The following ZNF366 variants were observed in gnomAD, a reference collection of about 807,000 sequenced individuals.
ZNF366 encodes the protein dendritic cell-specific transcript protein.
Under a neutral mutation model 47.2 loss-of-function variants are expected in ZNF366, and 20 were observed. The observed-to-expected ratio is 0.42, with a 90% CI of 0.30 to 0.62. The LOEUF is 0.62. ZNF366 is among the 20% of genes least tolerant of loss of function. The pLI is 0.16. For missense variants in ZNF366, 987 were observed against 976.3 expected (o/e 1.01, Z -0.15); for synonymous variants, 421 against 395.1 (o/e 1.07, Z -0.78).
chr5:72,491,717 T>A (rs76843871), intron 1 of ZNF366, among the ~76,000 whole-genome samples: 1 of 152,354 alleles, frequency 6.6e-6, no homozygotes, highest in African/African-American at 2.4e-5. Context: ...GGTAAGAAGG[T>A]ATTCTCATGG....
At chr5:72,499,187 T>C (rs952804219) in intron 1 of ZNF366, among the ~76,000 whole-genome samples, 2 of 152,166 alleles carry the variant, frequency 1.3e-5, no homozygotes, top group Non-Finnish European at 2.9e-5. Context: ...CCAGAAGAAC[T>C]CTCTGCCCCT....
chr5:72,499,110 A>G (rs537558712), intron 1 of ZNF366, among the ~76,000 whole-genome samples: 5 of 152,336 alleles, frequency 3.3e-5, no homozygotes, highest in Admixed American at 2.6e-4. Context: ...GAACTTTGTT[A>G]CCCACAAAAC....
At chr5:72,479,913 A>G (rs1201088004) in intron 1 of ZNF366, among the ~76,000 whole-genome samples, 1 of 152,252 alleles carries the variant, frequency 6.6e-6, no homozygotes. Context: ...ACATACTAAT[A>G]TAACCAAGAC....
Position 72,443,808 on chromosome 5 carries a change from T to C in ZNF366, c.2183A>G (p.Lys728Arg), listed in dbSNP as rs747963125. ...TTCCATTTTCCTCTCCAGTAATTCTTTCAAACTCTCATCTCTGTGCTTGAA... is the reference window on the plus strand; with the variant it reads ...TTCCATTTTCCTCTCCAGTAATTCTCTCAAACTCTCATCTCTGTGCTTGAA... Reference protein sequence around the residue: ...LYFKHRDESLKELLERKMEKQ... With the variant: ...LYFKHRDESLRELLERKMEKQ... Residue 728 changes from lysine to arginine, a missense_variant, in exon 5 of 5, where the codon AAA becomes AGA. Transcript: ENST00000318442. 6.2e-7 allele frequency: 1 copy of C among 1,614,192 alleles called. No individual in the cohort carries two copies. The highest frequency in any genetic ancestry group is 1.1e-5 in the South Asian group (1 of 91,084).
chr5:72,471,832 T>G (rs1285354184), intron 1 of ZNF366, among the ~76,000 whole-genome samples: 1 of 152,156 alleles, frequency 6.6e-6, no homozygotes, highest in Non-Finnish European at 1.5e-5. Context: ...GACTCCTTGA[T>G]TTTTCTGCCC....
intron 3 of ZNF366, among the ~76,000 whole-genome samples, chr5:72,449,052 A>G (rs1743011768): frequency 6.6e-6 from 1 of 152,216 alleles, no homozygotes; most frequent in African/African-American, 2.4e-5. Flanking sequence ...TAAGAGGGGA[A>G]AAGGATGACA....
At chr5:72,452,568 G>A (rs1052751171) in intron 3 of ZNF366, among the ~76,000 whole-genome samples, 1 of 152,202 alleles carries the variant, frequency 6.6e-6, no homozygotes, top group Admixed American at 6.5e-5. Context: ...GAGCGTCAAA[G>A]AAAGTGAGGG....
chr5:72,484,567 A>G (rs778127222), intron 1 of ZNF366, among the ~76,000 whole-genome samples: 1 of 152,038 alleles, frequency 6.6e-6, no homozygotes, highest in Admixed American at 6.6e-5. Context: ...GAAAAATTCA[A>G]CTCTTTTGCT....
At chr5:72,486,055 C>T (rs1167992969) in intron 1 of ZNF366, among the ~76,000 whole-genome samples, 1 of 152,194 alleles carries the variant, frequency 6.6e-6, no homozygotes, top group Non-Finnish European at 1.5e-5. Context: ...TAATTTTTCT[C>T]CATATCTTCT....
At chr5:72,487,300 C>CAA (rs1743910402) in intron 1 of ZNF366, among the ~76,000 whole-genome samples, 2 of 152,170 alleles carry the variant, frequency 1.3e-5, no homozygotes, top group South Asian at 2.1e-4. Flanking sequence ...TGCTTGAGCT[C>CAA]GTGCTTTATG....
rs1743530492 is a variant in ZNF366 at position 72,470,128 on chromosome 5, C to T, written c.-14-8618G>A. On this transcript the variant is annotated intron_variant, in intron 1 of 4. Transcript: ENST00000318442. ...GCCATTAGAAAATATACTTCTACCT[C>T]TTGTAAATCCAAAGATTGGTATTGA... Among the ~76,000 whole-genome samples, 3 of 152,192 alleles carry T rather than the reference C, an allele frequency of 2.0e-5. No homozygotes were observed. In the South Asian group the frequency reaches 6.2e-4, roughly 32 times the overall value.
chr5:72,448,508 G>C (rs1283278818), intron 3 of ZNF366, among the ~76,000 whole-genome samples: 1 of 152,148 alleles, frequency 6.6e-6, no homozygotes, highest in Non-Finnish European at 1.5e-5. Flanking sequence ...GCTGTGGCAG[G>C]AGGAATGCAA....
chr5:72,492,905 G>T (rs576489824), intron 1 of ZNF366, among the ~76,000 whole-genome samples: 1 of 152,044 alleles, frequency 6.6e-6, no homozygotes, highest in Non-Finnish European at 1.5e-5. Flanking sequence ...AATTCTTCCC[G>T]CCTGATCCCT....
intron 1 of ZNF366, among the ~76,000 whole-genome samples, chr5:72,472,984 G>A (rs535488184): frequency 6.6e-6 from 1 of 152,238 alleles, no homozygotes; most frequent in East Asian, 1.9e-4. Context: ...TTCCTCATGG[G>A]GTATTGCATA....
chr5:72,456,727 G>T, intron 2 of ZNF366, 132 bp from the exon 3 acceptor site: 2 of 864,994 alleles, frequency 2.3e-6, no homozygotes, highest in Non-Finnish European at 3.3e-6. Context: ...GTTTCAAATG[G>T]TGTAGCTTCA....
chr5:72,466,355 G>A (rs1248366065), intron 1 of ZNF366, among the ~76,000 whole-genome samples: 2 of 152,338 alleles, frequency 1.3e-5, no homozygotes, highest in East Asian at 1.9e-4. Context: ...GATGAATGGG[G>A]AGTTGAAGCA....
intron 1 of ZNF366, among the ~76,000 whole-genome samples, chr5:72,478,814 A>G (rs1210058622): frequency 6.6e-6 from 1 of 152,238 alleles, no homozygotes; most frequent in East Asian, 1.9e-4. Context: ...GACTTTGTCT[A>G]CTGAATCATT....
chr5:72,488,302 C>T (rs1320003214), intron 1 of ZNF366, among the ~76,000 whole-genome samples: 1 of 151,370 alleles, frequency 6.6e-6, no homozygotes, highest in Admixed American at 6.6e-5. Flanking sequence ...GGGCTGGTGG[C>T]ATCAGTCTTT....
chr5:72,500,299 TA>T (rs1328140635), intron 1 of ZNF366, among the ~76,000 whole-genome samples: 1 of 152,038 alleles, frequency 6.6e-6, no homozygotes, highest in Non-Finnish European at 1.5e-5. Flanking sequence ...TGAAAAAAGC[TA>T]AACTATTTTT....
Sources: gnomAD v4.1 joint callset for allele counts (sites outside exome capture counted in the v4.1 genomes callset) on GRCh38, gnomAD v4.1.1 for gene constraint, MANE v1.5 for transcripts, NCBI Gene and HGNC (gene_info 2026-07-23, HGNC 2026-07-21) for gene names.